DHX32: variants seen among roughly 807,000 people sequenced by gnomAD.
DHX32 encodes the protein putative pre-mRNA-splicing factor ATP-dependent RNA helicase DHX32.
DHX32 carries 51 observed loss-of-function variants against 70.0 expected under a neutral mutation model. That is an observed-to-expected ratio of 0.73 (90% CI 0.58 to 0.92). DHX32 has a LOEUF of 0.92. DHX32 is among the 40% of genes least tolerant of loss of function. The probability of loss-of-function intolerance (pLI) is 0.00; values close to 1 mark genes in which losing one functional copy is unlikely to be tolerated. For synonymous variants in DHX32, 310 were observed against 315.3 expected, an observed-to-expected ratio of 0.98 and a Z score of 0.18; for missense variants, 762 against 891.8, an observed-to-expected ratio of 0.85 and a Z score of 1.85.
chr10:125,846,174 C>T (rs1398731727), intron 6 of DHX32, among the ~76,000 whole-genome samples: 1 of 152,198 alleles, frequency 6.6e-6, no homozygotes, highest in African/African-American at 2.4e-5. Flanking sequence ...CAACGGTCTC[C>T]ACTCCCAGTA....
chr10:125,853,212 C>G, intron 4 of DHX32: 5 of 1,611,842 alleles, frequency 3.1e-6, no homozygotes, highest in Non-Finnish European at 4.2e-6. Context: ...TTCCAGGGAA[C>G]CTTCATGACT....
At chr10:125,884,409 G>A (rs535213979), upstream of DHX32, among the ~76,000 whole-genome samples, 1 of 152,320 alleles carries the variant, frequency 6.6e-6, no homozygotes, top group African/African-American at 2.4e-5. Flanking sequence ...TCTGTTGTAA[G>A]TATAAACTAC....
intron 2 of DHX32, among the ~76,000 whole-genome samples, chr10:125,864,854 C>T (rs1355050351): frequency 2.2e-5 from 3 of 134,578 alleles, no homozygotes; most frequent in East Asian, 2.3e-4. Context: ...CGCTTGAACC[C>T]GGAAGATGGA....
intron 1 of DHX32, among the ~76,000 whole-genome samples, chr10:125,887,615 T>G (rs1162980396): frequency 1.3e-5 from 2 of 152,198 alleles, no homozygotes; most frequent in Non-Finnish European, 2.9e-5. Context: ...TTCTTTATTT[T>G]ACATTGTATG....
At chr10:125,841,959 T>C (rs1472606796) in intron 6 of DHX32, 25 bp from the exon 7 acceptor site, 1 of 1,561,144 alleles carries the variant, frequency 6.4e-7, no homozygotes, top group Non-Finnish European at 8.6e-7. Flanking sequence ...AAATAATAAT[T>C]TAAGAGTCTC....
chr10:125,876,103 T>G (rs1944282006), intron 1 of DHX32, among the ~76,000 whole-genome samples: 1 of 152,202 alleles, frequency 6.6e-6, no homozygotes, highest in Admixed American at 6.5e-5. Context: ...GACCAGTAAC[T>G]CCTCTGTTGT....
intron 6 of DHX32, 166 bp from the exon 7 acceptor site, chr10:125,842,100 G>T (rs1854898021): frequency 2.2e-6 from 2 of 928,278 alleles, no homozygotes; most frequent in Non-Finnish European, 1.5e-6. Flanking sequence ...AGTGATTCTT[G>T]AGAGGGCAAA....
At chr10:125,886,348 C>T (rs796394481) in intron 1 of DHX32, among the ~76,000 whole-genome samples, 4 of 152,318 alleles carry the variant, frequency 2.6e-5, no homozygotes, top group Admixed American at 2.0e-4. Flanking sequence ...CTCCTTAAGA[C>T]CACCACCTAA....
At chr10:125,855,480 G>T (rs1174471659) in intron 3 of DHX32, among the ~76,000 whole-genome samples, 1 of 130,394 alleles carries the variant, frequency 7.7e-6, no homozygotes, top group Non-Finnish European at 1.6e-5. Flanking sequence ...ATGGAGTCTC[G>T]CTCTGTTGCC....
chr10:125,853,985 G>A lies in DHX32; in HGVS notation c.1068C>T (p.Ile356=), dbSNP rs1483044751. 13 of 1,613,668 alleles carry A rather than the reference G, an allele frequency of 8.1e-6. No individual in the cohort carries two copies. The highest frequency in any genetic ancestry group is 4.5e-5 in the East Asian group (2 of 44,866). The change falls in exon 4 of 11, where the codon ATC becomes ATT. Residue 356 remains isoleucine, a synonymous_variant. Coordinates refer to ENST00000284690, the MANE Select transcript of DHX32 (RefSeq NM_018180.3). ...LIWSNSVRFV[I]DVGVERRKVY... ...CCTTTCTTCTTTCCACACCCACATC[G>A]ATAACAAATCTGACTGAGTTGCTCC...
intron 3 of DHX32, chr10:125,854,570 C>A (rs189803957): frequency 2.8e-3 from 462 of 164,678 alleles, no homozygotes; most frequent in Non-Finnish European, 5.1e-3. Flanking sequence ...ATTGAATTAA[C>A]TCAAGGGTTT....
intron 1 of DHX32, among the ~76,000 whole-genome samples, chr10:125,878,929 C>T (rs887617143): frequency 6.7e-6 from 1 of 149,622 alleles, no homozygotes; most frequent in Admixed American, 6.7e-5. Context: ...AGGCTGGTCT[C>T]GAACTCCTGA....
intron 6 of DHX32, among the ~76,000 whole-genome samples, chr10:125,848,869 G>C (rs950459221): frequency 7.2e-5 from 11 of 152,262 alleles, no homozygotes; most frequent in South Asian, 2.1e-4. Flanking sequence ...TGAACCAATT[G>C]CTTTGATTAT....
intron 6 of DHX32, 141 bp from the exon 7 acceptor site, chr10:125,842,075 C>T (rs1854897219): frequency 2.7e-6 from 3 of 1,106,128 alleles, no homozygotes; most frequent in Non-Finnish European, 3.7e-6. Flanking sequence ...CACCAAATAC[C>T]AGGGAGTGAA....
At chr10:125,895,807 G>C (rs1944479059) in intron 1 of DHX32, among the ~76,000 whole-genome samples, 1 of 136,616 alleles carries the variant, frequency 7.3e-6, no homozygotes, top group African/African-American at 2.6e-5. Context: ...CGGGGATGAC[G>C]GGGCAAAGCC....
At chr10:125,841,425 T>G in intron 7 of DHX32, 1 of 1,582,478 alleles carries the variant, frequency 6.3e-7, no homozygotes, top group East Asian at 2.3e-5. Context: ...ACAACATTAT[T>G]TGGGGAAAAA....
intron 1 of DHX32, among the ~76,000 whole-genome samples, chr10:125,867,406 G>A (rs1185615320): frequency 2.6e-5 from 4 of 152,196 alleles, no homozygotes; most frequent in Admixed American, 1.3e-4. Context: ...AACAGGGACT[G>A]TGAAAGTTTG....
At chr10:125,878,937 T>C (rs989365686) in intron 1 of DHX32, among the ~76,000 whole-genome samples, 8 of 151,110 alleles carry the variant, frequency 5.3e-5, no homozygotes, top group African/African-American at 1.7e-4. Flanking sequence ...CTCGAACTCC[T>C]GACTTCATGA....
chr10:125,838,851 A>G, intron 9 of DHX32, 150 bp downstream of exon 9: 1 of 913,320 alleles, frequency 1.1e-6, no homozygotes. Flanking sequence ...CTTGAGGGGA[A>G]GGATACTTAA....
Sources: allele counts gnomAD v4.1 joint callset (sites outside exome capture counted in the v4.1 genomes callset), GRCh38; gene constraint gnomAD v4.1.1; transcripts MANE v1.5; gene names NCBI Gene and HGNC (gene_info 2026-07-23, HGNC 2026-07-21).